Variants in RIMS2 observed in about 807,000 individuals in gnomAD.
RIMS2 encodes regulating synaptic membrane exocytosis 2.
Under a neutral mutation model 174.4 loss-of-function variants are expected in RIMS2, and 59 were observed. The ratio of observed to expected loss-of-function variants is 0.34; its 90% CI spans 0.27 to 0.42. The LOEUF (loss-of-function observed/expected upper bound fraction) is 0.42. Among genes scored for constraint, RIMS2 ranks in the 10% least tolerant of loss-of-function variants. The pLI is 1.00. For synonymous variants in RIMS2, 606 were observed against 572.5 expected, an observed-to-expected ratio of 1.06 and a Z score of -0.84; for missense variants, 1,620 against 1,666.3, an observed-to-expected ratio of 0.97 and a Z score of 0.48.
intron 1 of RIMS2, among the ~76,000 whole-genome samples, chr8:103,687,566 C>G (rs541749360): frequency 6.6e-6 from 1 of 151,970 alleles, no homozygotes; most frequent in Non-Finnish European, 1.5e-5. Flanking sequence ...TTTCAAAATA[C>G]AATATATTGT....
intron 19 of RIMS2, among the ~76,000 whole-genome samples, chr8:104,038,700 G>A (rs2096559810): frequency 6.6e-6 from 1 of 151,726 alleles, no homozygotes; most frequent in African/African-American, 2.4e-5. Context: ...CTAAGACATG[G>A]CTGCTTACGT....
chr8:104,151,621 G>T (rs2098690318), intron 19 of RIMS2, among the ~76,000 whole-genome samples: 1 of 152,042 alleles, frequency 6.6e-6, no homozygotes, highest in South Asian at 2.1e-4. Flanking sequence ...AGAGGAAGAG[G>T]GATGAGTCTT....
At chr8:104,068,594 A>G (rs1566154002) in intron 19 of RIMS2, 1 of 1,551,780 alleles carries the variant, frequency 6.4e-7, no homozygotes, top group Non-Finnish European at 8.7e-7. Context: ...CCAGACTGGA[A>G]CAAGATTACC....
chr8:103,771,049 T>G (rs2098247787), intron 3 of RIMS2, among the ~76,000 whole-genome samples: 1 of 152,200 alleles, frequency 6.6e-6, no homozygotes, highest in Non-Finnish European at 1.5e-5. Flanking sequence ...GTAGTAGTTT[T>G]GACCTTTTTA....
chr8:103,718,209 A>G (rs1352274029), intron 2 of RIMS2, among the ~76,000 whole-genome samples: 3 of 152,148 alleles, frequency 2.0e-5, no homozygotes, highest in Non-Finnish European at 4.4e-5. Flanking sequence ...CATGAAAGAC[A>G]GTCATCAAGG....
intron 19 of RIMS2, among the ~76,000 whole-genome samples, chr8:104,028,913 A>T (rs560633891): frequency 1.1e-4 from 16 of 152,304 alleles, no homozygotes; most frequent in African/African-American, 3.8e-4. Flanking sequence ...AAGAATAGAG[A>T]ATGGTTACTA....
chr8:103,968,229 AT>A, intron 15 of RIMS2, among the ~76,000 whole-genome samples: 1 of 151,976 alleles, frequency 6.6e-6, no homozygotes, highest in East Asian at 1.9e-4. Context: ...AATTTATATG[AT>A]TGTTTCCATT....
At chr8:103,666,668 A>G (rs1426610395) in intron 1 of RIMS2, among the ~76,000 whole-genome samples, 6 of 152,114 alleles carry the variant, frequency 3.9e-5, no homozygotes, top group Admixed American at 2.6e-4. Flanking sequence ...ATTATGTTGC[A>G]TTTAGCATGA....
At chr8:103,842,332 A>G (rs2098944931) in intron 3 of RIMS2, among the ~76,000 whole-genome samples, 1 of 152,168 alleles carries the variant, frequency 6.6e-6, no homozygotes, top group African/African-American at 2.4e-5. Context: ...AAGAAACTCT[A>G]AAGAAACTGT....
At position 103,835,123 on chromosome 8, in the gene RIMS2, A is replaced by G. The variant is rs1198029427; in HGVS notation, c.699-50175A>G. 4.2e-5 allele frequency among the ~76,000 whole-genome samples: 5 copies of G among 120,158 alleles called. No homozygotes were observed. In the East Asian group the frequency reaches 1.2e-3, roughly 29 times the overall value. 78.8% of individuals were successfully genotyped at this position (120,158 alleles called of 152,430 possible). ...CTTTTCTTTTTTTTTTTTTTTTGAGACAGAGTCTCACTCTGTTGCCCAAGC... is the reference window on the plus strand; with the variant it reads ...CTTTTCTTTTTTTTTTTTTTTTGAGGCAGAGTCTCACTCTGTTGCCCAAGC... On this transcript the variant is annotated intron_variant, in intron 3 of 23. Coordinates refer to ENST00000504942, the Ensembl canonical transcript of RIMS2.
chr8:103,642,718 T>C (rs529484455), intron 1 of RIMS2, among the ~76,000 whole-genome samples: 2 of 152,160 alleles, frequency 1.3e-5, no homozygotes, highest in South Asian at 4.1e-4. Context: ...GGTTGGTTTC[T>C]TTATTCAACA....
chr8:103,808,116 G>C (rs760072412), intron 3 of RIMS2, among the ~76,000 whole-genome samples: 2 of 152,114 alleles, frequency 1.3e-5, no homozygotes, highest in African/African-American at 4.8e-5. Context: ...CAGGCCAAAA[G>C]AGCTATTTTC....
chr8:103,782,064 A>G (rs2098395892), intron 3 of RIMS2, among the ~76,000 whole-genome samples: 2 of 149,608 alleles, frequency 1.3e-5, no homozygotes, highest in South Asian at 2.1e-4. Context: ...CCCCTATTCT[A>G]TATATTTACT....
At chr8:103,627,842 CT>C (rs2095823488) in intron 1 of RIMS2, among the ~76,000 whole-genome samples, 1 of 152,022 alleles carries the variant, frequency 6.6e-6, no homozygotes. Context: ...TCATTTATAC[CT>C]TTCTTCATGC....
At chr8:103,551,480 C>A (rs1194749620) in intron 1 of RIMS2, among the ~76,000 whole-genome samples, 1 of 152,144 alleles carries the variant, frequency 6.6e-6, no homozygotes, top group East Asian at 1.9e-4. Context: ...TTGGCAAACT[C>A]ACAGCCAATA....
At chr8:104,054,982 C>A (rs2096845210) in intron 19 of RIMS2, among the ~76,000 whole-genome samples, 1 of 152,018 alleles carries the variant, frequency 6.6e-6, no homozygotes, top group South Asian at 2.1e-4. Context: ...GTATAGGAAT[C>A]CATTTATGAT....
Position 103,652,276 on chromosome 8 carries a change from T to C in RIMS2, c.177-44810T>C, listed in dbSNP as rs144765407. The C allele has an allele frequency of 8.0e-6, 10 of 1,256,536 alleles. No homozygotes were observed. In the East Asian group the frequency reaches 4.2e-4, roughly 52 times the overall value. The allele number at this position is 1,256,536 out of a possible 1,614,324, so 77.8% of individuals were successfully genotyped here. A position where few individuals can be genotyped will look rare whatever the true frequency, so the allele number is the denominator to read the frequency against. Reference sequence around the variant, plus strand: ...TTAAGAGTGTAGTAGGCTTGACTTCTGTACTTTTGCCACATACTGCTTTCT... The same window carrying C: ...TTAAGAGTGTAGTAGGCTTGACTTCCGTACTTTTGCCACATACTGCTTTCT... On this transcript the variant is annotated intron_variant, in intron 1 of 23. Coordinates refer to ENST00000504942, the Ensembl canonical transcript of RIMS2.
chr8:104,132,125 C>T (rs1013148276), intron 19 of RIMS2, among the ~76,000 whole-genome samples: 1 of 152,000 alleles, frequency 6.6e-6, no homozygotes, highest in Non-Finnish European at 1.5e-5. Flanking sequence ...TTTTCCTTTT[C>T]TTATTTTGTA....
intron 19 of RIMS2, among the ~76,000 whole-genome samples, chr8:104,090,379 C>T (rs1598595263): frequency 6.6e-6 from 1 of 151,650 alleles, no homozygotes; most frequent in East Asian, 1.9e-4. Flanking sequence ...TGAATCATAG[C>T]AACAAGACTA....
Sources: gnomAD v4.1 joint callset for allele counts (sites outside exome capture counted in the v4.1 genomes callset) on GRCh38, gnomAD v4.1.1 for gene constraint, MANE v1.5 for transcripts, NCBI Gene and HGNC (gene_info 2026-07-23, HGNC 2026-07-21) for gene names.